LIN52: variants seen among roughly 807,000 people sequenced by gnomAD.
LIN52 encodes the protein lin-52 DREAM MuvB core complex component.
Under a neutral mutation model 18.5 loss-of-function variants are expected in LIN52, and 4 were observed. The observed-to-expected ratio is 0.22, with a 90% CI of 0.11 to 0.49. The LOEUF (loss-of-function observed/expected upper bound fraction) is 0.49, where lower values mean the gene tolerates loss of function less well. Among genes scored for constraint, LIN52 ranks in the 20% least tolerant of loss-of-function variants. The probability of loss-of-function intolerance (pLI) is 0.97; values close to 1 mark genes in which losing one functional copy is unlikely to be tolerated. For missense variants in LIN52, 102 were observed against 139.5 expected (o/e 0.73, Z 1.35); for synonymous variants, 34 against 45.5 (o/e 0.75, Z 1.02).
Position 74,085,047 on chromosome 14 carries a change from G to A in LIN52, c.19+54G>A, listed in dbSNP as rs573673823. 144 of 1,323,238 alleles carry A rather than the reference G, an allele frequency of 1.1e-4. No individual in the cohort carries two copies. In the Middle Eastern group the frequency reaches 1.4e-3, roughly 13 times the overall value. 82.0% of individuals were successfully genotyped at this position (1,323,238 alleles called of 1,614,324 possible). A position where few individuals can be genotyped will look rare whatever the true frequency, so the allele number is the denominator to read the frequency against. ...GCAGCCTCCTTCTTTGCTCTACTGG[G>A]AACATCCACTCTGTCTCTGCCCCTC... is the stretch of plus-strand genomic sequence containing the variant. On this transcript the variant is annotated intron_variant, in intron 1 of 5. Coordinates refer to ENST00000555028, the MANE Select transcript of LIN52 (RefSeq NM_001024674.3).
chr14:74,123,543 G>A (rs1566854678), intron 5 of LIN52, among the ~76,000 whole-genome samples: 1 of 152,166 alleles, frequency 6.6e-6, no homozygotes, highest in Non-Finnish European at 1.5e-5. Flanking sequence ...AGATACTAGA[G>A]CACAGGGAAT....
intron 5 of LIN52, among the ~76,000 whole-genome samples, chr14:74,158,475 CTTGT>C (rs1208866003): frequency 2.6e-5 from 3 of 117,578 alleles, no homozygotes; most frequent in East Asian, 2.0e-4. Context: ...TATTTATTTA[CTTGT>C]TTGTTTATTT....
At chr14:74,170,854 T>A (rs1407343461) in intron 5 of LIN52, among the ~76,000 whole-genome samples, 1 of 139,298 alleles carries the variant, frequency 7.2e-6, no homozygotes, top group Non-Finnish European at 1.6e-5. Context: ...AGGAAAGGAG[T>A]TAGGTACAGG....
At chr14:74,142,368 C>T (rs2061135075) in intron 5 of LIN52, among the ~76,000 whole-genome samples, 1 of 151,900 alleles carries the variant, frequency 6.6e-6, no homozygotes, top group Admixed American at 6.6e-5. Context: ...GAATTGATGC[C>T]CAATCTTTAA....
intron 5 of LIN52, among the ~76,000 whole-genome samples, chr14:74,191,997 G>A (rs1199827598): frequency 3.3e-5 from 5 of 152,174 alleles, no homozygotes; most frequent in African/African-American, 1.2e-4. Context: ...GTTAAAGAAG[G>A]TAGCTCCACC....
At chr14:74,172,977 C>T (rs533097548) in intron 5 of LIN52, among the ~76,000 whole-genome samples, 14 of 151,988 alleles carry the variant, frequency 9.2e-5, no homozygotes, top group South Asian at 4.2e-4. Context: ...CCAATAAATA[C>T]GTATTGAATG....
At chr14:74,196,887 C>T (rs977908721) in intron 5 of LIN52, among the ~76,000 whole-genome samples, 3 of 152,150 alleles carry the variant, frequency 2.0e-5, no homozygotes, top group Non-Finnish European at 4.4e-5. Flanking sequence ...ATCTGCCCAG[C>T]CCAAGGTGTC....
intron 5 of LIN52, among the ~76,000 whole-genome samples, chr14:74,160,070 C>G (rs35425322): frequency 0.11 from 17,004 of 152,220 alleles, 1,250 homozygotes; most frequent in Admixed American, 0.19. Flanking sequence ...TTGGAGTCCT[C>G]TTCCTTATTT....
At chr14:74,097,929 T>G (rs1217283226) in intron 4 of LIN52, 69 bp downstream of exon 4, 1 of 1,204,646 alleles carries the variant, frequency 8.3e-7, no homozygotes, top group Non-Finnish European at 1.2e-6. Context: ...CTCTATTTTT[T>G]TTTTCTGTTT....
At chr14:74,129,606 ACT>A (rs1371672221) in intron 5 of LIN52, among the ~76,000 whole-genome samples, 2 of 152,078 alleles carry the variant, frequency 1.3e-5, no homozygotes, top group African/African-American at 2.4e-5. Context: ...TAATCCCAAC[ACT>A]CTGGGAGGCT....
At chr14:74,179,006 G>A (rs1410844087) in intron 5 of LIN52, among the ~76,000 whole-genome samples, 1 of 151,966 alleles carries the variant, frequency 6.6e-6, no homozygotes, top group Non-Finnish European at 1.5e-5. Flanking sequence ...AGGACCACTT[G>A]AGCCCAGGAT....
intron 5 of LIN52, among the ~76,000 whole-genome samples, chr14:74,135,253 C>T (rs146145646): frequency 3.0e-4 from 46 of 152,188 alleles, no homozygotes; most frequent in East Asian, 1.2e-3. Context: ...TTAGTAGAGA[C>T]GGGGTTTCAC....
chr14:74,096,436 T>C (rs2060813243), intron 3 of LIN52, among the ~76,000 whole-genome samples: 1 of 151,894 alleles, frequency 6.6e-6, no homozygotes, highest in Non-Finnish European at 1.5e-5. Context: ...CAAGTGATCC[T>C]CCTGCTCCAG....
At chr14:74,148,377 A>G (rs1341349139) in intron 5 of LIN52, among the ~76,000 whole-genome samples, 1 of 152,198 alleles carries the variant, frequency 6.6e-6, no homozygotes, top group African/African-American at 2.4e-5. Flanking sequence ...TCAAAAATAC[A>G]TAAGCTCCTC....
intron 5 of LIN52, among the ~76,000 whole-genome samples, chr14:74,159,567 G>GTTT (rs11288935): frequency 1.5e-5 from 2 of 133,590 alleles, no homozygotes; most frequent in South Asian, 2.4e-4. Flanking sequence ...TGTGGGGTTT[G>GTTT]TTTTTTTTTT....
chr14:74,115,300 G>C (rs567882793), intron 5 of LIN52, among the ~76,000 whole-genome samples: 6 of 152,276 alleles, frequency 3.9e-5, no homozygotes, highest in African/African-American at 1.4e-4. Flanking sequence ...AACTTGATAG[G>C]CAAAATATTG....
intron 5 of LIN52, among the ~76,000 whole-genome samples, chr14:74,130,278 G>GTTTTTTTGTTTTTTTTTTTTTTTTTT (rs2061055115): frequency 1.5e-5 from 1 of 64,824 alleles, no homozygotes; most frequent in Non-Finnish European, 2.8e-5. Context: ...GCATTTTTTG[G>GTTTTTTTGTTTTTTTTTTTTTTTTTT]TTTTTTTTTT....
At chr14:74,185,288 T>C (rs1316170331) in intron 5 of LIN52, among the ~76,000 whole-genome samples, 2 of 150,736 alleles carry the variant, frequency 1.3e-5, no homozygotes, top group Non-Finnish European at 2.9e-5. Flanking sequence ...TTATGTAATA[T>C]ATTTGATTTT....
Position 74,095,932 on chromosome 14 carries a change from T to G in LIN52, c.95-16T>G. ...TCATACTTATTGAATAAATAAAGTTTTGTTTTTCTTTTTAGTACCAGGTGT... is the reference window on the plus strand; with the variant it reads ...TCATACTTATTGAATAAATAAAGTTGTGTTTTTCTTTTTAGTACCAGGTGT... On this transcript the variant is annotated splice_polypyrimidine_tract_variant and intron_variant, in intron 2 of 5. Transcript: ENST00000555028. 6.3e-7 allele frequency: 1 copy of G among 1,584,478 alleles called. No individual in the cohort carries two copies. Among genetic ancestry groups the G allele is most frequent in the Non-Finnish European group, 8.6e-7 (1 of 1,156,984 alleles).
Sources: gnomAD v4.1 joint callset for allele counts (sites outside exome capture counted in the v4.1 genomes callset) on GRCh38, gnomAD v4.1.1 for gene constraint, MANE v1.5 for transcripts, NCBI Gene and HGNC (gene_info 2026-07-23, HGNC 2026-07-21) for gene names.